EPB41L4A: variants seen among roughly 807,000 people sequenced by gnomAD.
EPB41L4A encodes band 4.1-like protein 4A.
A neutral mutation model predicts 108.6 loss-of-function variants in EPB41L4A; 100 were observed. The observed-to-expected ratio is 0.92, with a 90% CI of 0.78 to 1.09. The LOEUF (loss-of-function observed/expected upper bound fraction) is 1.09. Among genes scored for constraint, EPB41L4A ranks in the 50% least tolerant of loss-of-function variants. EPB41L4A has a pLI of 0.00. For missense variants in EPB41L4A, 1,030 were observed against 842.7 expected (o/e 1.22, Z -2.75); for synonymous variants, 319 against 289.0 (o/e 1.10, Z -1.05).
chr5:112,416,967 CTG>C (rs1268267305), intron 1 of EPB41L4A, among the ~76,000 whole-genome samples: 8 of 152,354 alleles, frequency 5.3e-5, no homozygotes, highest in South Asian at 4.1e-4. Flanking sequence ...CAGACAACAT[CTG>C]TGTTACACAC....
chr5:112,197,229 C>T (rs1762008644), intron 15 of EPB41L4A, among the ~76,000 whole-genome samples: 1 of 152,210 alleles, frequency 6.6e-6, no homozygotes, highest in Non-Finnish European at 1.5e-5. Flanking sequence ...CCCCCCTCAT[C>T]TGCCCAGTCT....
At chr5:112,170,193 A>G in intron 20 of EPB41L4A, 108 bp downstream of exon 20, 3 of 1,139,462 alleles carry the variant, frequency 2.6e-6, no homozygotes, top group Non-Finnish European at 3.8e-6. Flanking sequence ...TTTTGTTTAA[A>G]ATGTAAAGAC....
At chr5:112,193,985 A>G (rs773391840) in intron 17 of EPB41L4A, among the ~76,000 whole-genome samples, 3 of 152,206 alleles carry the variant, frequency 2.0e-5, no homozygotes, top group Non-Finnish European at 4.4e-5. Flanking sequence ...TTTCGAGTGC[A>G]TATTTTGGAA....
In EPB41L4A at chr5:112,381,076, G is replaced by A. The variant is rs558666285; in HGVS notation, c.99+37865C>T. 1.6e-4 allele frequency among the ~76,000 whole-genome samples: 25 copies of A among 152,270 alleles called. No homozygotes were observed. In the East Asian group the frequency reaches 3.3e-3, roughly 20 times the overall value. ...TATATTTCACATACCATCAGAGAGCGTGAGGCGGCTATGATATTCTGCCGT... is the reference window on the plus strand; with the variant it reads ...TATATTTCACATACCATCAGAGAGCATGAGGCGGCTATGATATTCTGCCGT... On this transcript the variant is annotated intron_variant, in intron 1 of 22. Transcript: ENST00000261486.
In EPB41L4A at chr5:112,170,359, CA is replaced by C; in HGVS notation, c.1680del (p.Val561TrpfsTer11). Reference sequence around the variant, plus strand: ...TCTTCGGACAATCCGGATGGATCCACAAGTTCTTTTCTGTAAAGGAATATGC... The same window carrying C: ...TCTTCGGACAATCCGGATGGATCCACAGTTCTTTTCTGTAAAGGAATATGC... Reference protein sequence around the residue: ...EELWKHIQKELVDPSGLSEEQ... With the variant: ...EELWKHIQKEXVDPSGLSEEQ... On this transcript the variant is annotated frameshift_variant, in exon 20 of 23. Transcript: ENST00000261486. LOFTEE classifies it high-confidence loss of function. The C allele has an allele frequency of 6.2e-7, 1 of 1,609,760 alleles. No homozygotes were observed. The highest frequency in any genetic ancestry group is 8.5e-7 in the Non-Finnish European group (1 of 1,176,372).
chr5:112,146,982 T>C (rs886342280), intron 12 of EPB41L4A, among the ~76,000 whole-genome samples: 2 of 152,238 alleles, frequency 1.3e-5, no homozygotes, highest in Admixed American at 1.3e-4. Flanking sequence ...TTAAAACACC[T>C]GGAAAATGTG....
At chr5:112,402,532 A>G (rs1177625832) in intron 1 of EPB41L4A, among the ~76,000 whole-genome samples, 1 of 152,158 alleles carries the variant, frequency 6.6e-6, no homozygotes, top group Non-Finnish European at 1.5e-5. Context: ...CGGCACATAT[A>G]CTAAAATTGG....
At chr5:112,172,206 T>C (rs940781836) in intron 18 of EPB41L4A, among the ~76,000 whole-genome samples, 1 of 152,196 alleles carries the variant, frequency 6.6e-6, no homozygotes, top group East Asian at 1.9e-4. Flanking sequence ...ATGTAGATGT[T>C]CTTTGTTTTA....
At chr5:112,157,938 G>A (rs1683951680), downstream of EPB41L4A, among the ~76,000 whole-genome samples, 1 of 152,140 alleles carries the variant, frequency 6.6e-6, no homozygotes, top group African/African-American at 2.4e-5. Context: ...GCAGAGACTA[G>A]GTAGAAAATA....
At chr5:112,274,003 G>T (rs1561531390) in intron 4 of EPB41L4A, among the ~76,000 whole-genome samples, 1 of 151,994 alleles carries the variant, frequency 6.6e-6, no homozygotes, top group African/African-American at 2.4e-5. Flanking sequence ...TAAAAATGAG[G>T]TCTACGCTGG....
At chr5:112,176,516 C>T (rs543644082) in intron 18 of EPB41L4A, among the ~76,000 whole-genome samples, 1 of 152,260 alleles carries the variant, frequency 6.6e-6, no homozygotes, top group African/African-American at 2.4e-5. Context: ...CACGATGCTA[C>T]CCACTCAGTG....
chr5:112,388,619 C>G lies in EPB41L4A; in HGVS notation c.99+30322G>C, dbSNP rs148363530. Among the ~76,000 whole-genome samples the G allele has an allele frequency of 5.4e-3, 825 of 152,198 alleles. 5 individuals are homozygous for G. The highest frequency in any genetic ancestry group is 8.7e-3 in the Non-Finnish European group (593 of 68,008). Reference sequence around the variant, plus strand: ...GCCTGTGTATGAAAAACCTCAAATGCGAAGGCTGCCTTGACACAAGACACT... The same window carrying G: ...GCCTGTGTATGAAAAACCTCAAATGGGAAGGCTGCCTTGACACAAGACACT... On this transcript the variant is annotated intron_variant, in intron 1 of 22. Transcript: ENST00000261486.
downstream of EPB41L4A, chr5:112,158,380 G>A (rs1372587917): frequency 4.9e-6 from 2 of 404,164 alleles, no homozygotes; most frequent in African/African-American, 2.1e-5. Context: ...AACCCATATA[G>A]TACATGTGTG....
intron 1 of EPB41L4A, among the ~76,000 whole-genome samples, chr5:112,337,612 T>C (rs1445891421): frequency 1.3e-5 from 2 of 152,142 alleles, no homozygotes; most frequent in East Asian, 3.9e-4. Context: ...GAGGACAGCA[T>C]AACCCCCGAG....
chr5:112,144,812 A>G (rs1358335835), intron 13 of EPB41L4A, among the ~76,000 whole-genome samples: 1 of 152,118 alleles, frequency 6.6e-6, no homozygotes, highest in Non-Finnish European at 1.5e-5. Flanking sequence ...TGTGACATAA[A>G]TGTCACATGT....
At chr5:112,324,333 G>A (rs990814828) in intron 1 of EPB41L4A, among the ~76,000 whole-genome samples, 1 of 152,144 alleles carries the variant, frequency 6.6e-6, no homozygotes, top group Non-Finnish European at 1.5e-5. Flanking sequence ...AGTAACCACA[G>A]TAGGATTTTT....
intron 12 of EPB41L4A, among the ~76,000 whole-genome samples, chr5:112,156,334 T>A (rs1452513903): frequency 6.6e-6 from 1 of 152,064 alleles, no homozygotes; most frequent in African/African-American, 2.4e-5. Context: ...TCAGAAGTGC[T>A]AAGATGCTGT....
At chr5:112,293,185 A>C (rs1753761516) in intron 2 of EPB41L4A, among the ~76,000 whole-genome samples, 1 of 151,822 alleles carries the variant, frequency 6.6e-6, no homozygotes, top group East Asian at 1.9e-4. Flanking sequence ...TTGTACCTTT[A>C]TTGTTTTCAA....
chr5:112,210,803 A>G (rs1273060240), intron 12 of EPB41L4A, among the ~76,000 whole-genome samples: 1 of 152,014 alleles, frequency 6.6e-6, no homozygotes, highest in African/African-American at 2.4e-5. Flanking sequence ...AGTTTAGATG[A>G]TCAGGGGAAA....
Sources: gnomAD v4.1 joint callset for allele counts (sites outside exome capture counted in the v4.1 genomes callset) on GRCh38, gnomAD v4.1.1 for gene constraint, MANE v1.5 for transcripts, NCBI Gene and HGNC (gene_info 2026-07-23, HGNC 2026-07-21) for gene names.